The following FOXP2 variants were observed in gnomAD, a reference collection of about 807,000 sequenced individuals.
FOXP2 encodes forkhead box protein P2.
Under a neutral mutation model 115.8 loss-of-function variants are expected in FOXP2, and 12 were observed. That is an observed-to-expected ratio of 0.10 (90% CI 0.07 to 0.17). FOXP2 has a LOEUF of 0.17. Among genes scored for constraint, FOXP2 ranks in the 10% least tolerant of loss-of-function variants. FOXP2 has a pLI of 1.00. For synonymous variants in FOXP2, 328 were observed against 297.7 expected (o/e 1.10, Z -1.05); for missense variants, 629 against 843.5 (o/e 0.75, Z 3.15).
chr7:114,607,342 C>T (rs1584946149), intron 3 of FOXP2, among the ~76,000 whole-genome samples: 1 of 152,098 alleles, frequency 6.6e-6, no homozygotes, highest in African/African-American at 2.4e-5. Flanking sequence ...GGGAAGAATA[C>T]ATTCAAAGAG....
At chr7:114,172,559 C>T (rs987968220) in intron 1 of FOXP2, among the ~76,000 whole-genome samples, 48 of 151,944 alleles carry the variant, frequency 3.2e-4, no homozygotes, top group African/African-American at 1.1e-3. Flanking sequence ...GCACATGTAC[C>T]GCACTAATGT....
intron 3 of FOXP2, among the ~76,000 whole-genome samples, chr7:114,563,677 A>G (rs1453492764): frequency 1.3e-5 from 2 of 152,184 alleles, no homozygotes; most frequent in Non-Finnish European, 2.9e-5. Context: ...TCAGGGCTTT[A>G]TATTTCTTGT....
chr7:114,188,912 C>T (rs967608531), intron 1 of FOXP2, among the ~76,000 whole-genome samples: 3 of 152,156 alleles, frequency 2.0e-5, no homozygotes, highest in Non-Finnish European at 2.9e-5. Context: ...AATAAACTCA[C>T]TTATTAGACA....
intron 16 of FOXP2, among the ~76,000 whole-genome samples, chr7:114,673,106 T>C (rs1025538116): frequency 2.6e-5 from 4 of 152,226 alleles, no homozygotes; most frequent in Admixed American, 2.6e-4. Flanking sequence ...AATAATACAA[T>C]TTTTGGATTA....
At chr7:114,335,137 G>A (rs922425978) in intron 2 of FOXP2, among the ~76,000 whole-genome samples, 3 of 151,114 alleles carry the variant, frequency 2.0e-5, no homozygotes, top group Non-Finnish European at 3.0e-5. Flanking sequence ...ATGCTCAGAC[G>A]TTGAAAATAT....
At chr7:114,501,805 TTTAAC>T (rs1182991404) in intron 2 of FOXP2, among the ~76,000 whole-genome samples, 6 of 152,100 alleles carry the variant, frequency 3.9e-5, no homozygotes, top group Non-Finnish European at 5.9e-5. Flanking sequence ...AAATTGATCT[TTTAAC>T]TTAAAATCTT....
At chr7:114,111,623 A>G (rs779697401) in intron 1 of FOXP2, among the ~76,000 whole-genome samples, 1 of 152,122 alleles carries the variant, frequency 6.6e-6, no homozygotes, top group African/African-American at 2.4e-5. Context: ...CATTTTTGCT[A>G]TACCTACTAT....
chr7:114,252,687 T>C (rs1251494658), intron 1 of FOXP2, among the ~76,000 whole-genome samples: 3 of 152,200 alleles, frequency 2.0e-5, no homozygotes, highest in Non-Finnish European at 2.9e-5. Context: ...CTCTCTTTTC[T>C]TCTTTATTAG....
rs372471772 is a variant in FOXP2, at chr7:114,154,333, G to A, written c.-246-8611G>A. Among the ~76,000 whole-genome samples, 6 of 151,758 alleles carry A rather than the reference G, an allele frequency of 4.0e-5. No individual in the cohort carries two copies. In the East Asian group the frequency reaches 5.8e-4, roughly 15 times the overall value. On this transcript the variant is annotated intron_variant, in intron 1 of 19. Coordinates refer to the FOXP2 transcript ENST00000635638. ...ATTGTCAGGGCAATATAGATAAGGT[G>A]GGTTTTTTTTTTCCACCTCTCCTGC...
intron 3 of FOXP2, among the ~76,000 whole-genome samples, chr7:114,621,060 CTAT>C (rs1029719595): frequency 7.9e-5 from 12 of 151,910 alleles, no homozygotes; most frequent in Non-Finnish European, 2.9e-5. Flanking sequence ...TACAGCTAAA[CTAT>C]TGTCTCTTTT....
At chr7:114,228,994 C>A (rs1312657790) in intron 1 of FOXP2, among the ~76,000 whole-genome samples, 2 of 151,416 alleles carry the variant, frequency 1.3e-5, no homozygotes, top group African/African-American at 4.8e-5. Context: ...TATAAATTAT[C>A]TACAAGAGAC....
chr7:114,242,165 G>T (rs1347004629), intron 1 of FOXP2, among the ~76,000 whole-genome samples: 2 of 151,570 alleles, frequency 1.3e-5, no homozygotes, highest in African/African-American at 4.9e-5. Context: ...AGAATAAAAG[G>T]AGATAATTTG....
intron 1 of FOXP2, among the ~76,000 whole-genome samples, chr7:114,134,198 C>A (rs944301042): frequency 6.6e-6 from 1 of 152,090 alleles, no homozygotes; most frequent in Non-Finnish European, 1.5e-5. Context: ...CATTAGTGAT[C>A]TTCACCTTAG....
Position 114,251,017 on chromosome 7 carries a change from C to G in FOXP2, c.-101-37002C>G, listed in dbSNP as rs180818274. 7.9e-5 allele frequency among the ~76,000 whole-genome samples: 12 copies of G among 152,292 alleles called. No individual in the cohort carries two copies. In the East Asian group the frequency reaches 2.3e-3, roughly 29 times the overall value. On this transcript the variant is annotated intron_variant, in intron 1 of 17. Coordinates refer to the FOXP2 transcript ENST00000634411. The stretch of plus-strand genomic sequence containing the variant: ...TCCAGTTTCAGCTTTCTACATATGG[C>G]TAGCCAGTTTTCCCAGCACCATTTA...
At chr7:114,666,542 T>C (rs1234945336) in intron 16 of FOXP2, 2 of 152,152 alleles carry the variant, frequency 1.3e-5, no homozygotes, top group African/African-American at 4.8e-5. Context: ...TTGTATATAA[T>C]TGAGTGCATT....
chr7:114,158,121 A>G (rs1792718402), upstream of FOXP2, among the ~76,000 whole-genome samples: 1 of 152,130 alleles, frequency 6.6e-6, no homozygotes, highest in Non-Finnish European at 1.5e-5. Flanking sequence ...GAAAAATTGC[A>G]TTTACTAGAT....
intron 1 of FOXP2, among the ~76,000 whole-genome samples, chr7:114,230,209 C>T (rs1794839749): frequency 6.6e-6 from 1 of 151,806 alleles, no homozygotes; most frequent in Non-Finnish European, 1.5e-5. Context: ...AGAGTTATAA[C>T]TAGTAAGGAG....
chr7:114,294,909 T>A (rs1356224574), intron 2 of FOXP2, among the ~76,000 whole-genome samples: 2 of 151,872 alleles, frequency 1.3e-5, no homozygotes, highest in African/African-American at 4.9e-5. Flanking sequence ...CATGCATGCA[T>A]ATATACATAC....
chr7:114,586,710 C>CA (rs1174061199), intron 3 of FOXP2, among the ~76,000 whole-genome samples: 1 of 152,062 alleles, frequency 6.6e-6, no homozygotes, highest in African/African-American at 2.4e-5. Flanking sequence ...ATCAGTATTT[C>CA]ACTGGGTATA....
Sources: gnomAD v4.1 joint callset for allele counts (sites outside exome capture counted in the v4.1 genomes callset) on GRCh38, gnomAD v4.1.1 for gene constraint, MANE v1.5 for transcripts, NCBI Gene and HGNC (gene_info 2026-07-23, HGNC 2026-07-21) for gene names.